Variants in FHDC1 observed in about 807,000 individuals in gnomAD.
FHDC1 encodes FH2 domain-containing protein 1.
FHDC1 carries 25 observed loss-of-function variants against 52.6 expected under a neutral mutation model. The observed-to-expected ratio is 0.48, with a 90% confidence interval of 0.35 to 0.66. The LOEUF (loss-of-function observed/expected upper bound fraction) is 0.66, where lower values mean the gene tolerates loss of function less well. Ranked by LOEUF, FHDC1 falls within the 30% of genes least tolerant of loss-of-function variation. FHDC1 has a pLI of 0.01. For missense variants in FHDC1, 1,459 were observed against 1,452.8 expected (o/e 1.00, Z -0.07); for synonymous variants, 616 against 581.5 (o/e 1.06, Z -0.85).
intron 6 of FHDC1, 61 bp downstream of exon 6, chr4:152,960,905 A>T (rs4696369): frequency 0.47 from 569,494 of 1,218,388 alleles, 138,684 homozygotes; most frequent in East Asian, 0.7. Flanking sequence ...GCAGTTTTTT[A>T]AAAAAGCCAA....
At chr4:152,930,107 C>G in the FHDC1 span, among the ~76,000 whole-genome samples, 1 of 152,322 alleles carries the variant, frequency 6.6e-6, no homozygotes, top group East Asian at 1.9e-4. Context: ...AATCACCCCA[C>G]AGGAAGCAGG....
intron 9 of FHDC1, among the ~76,000 whole-genome samples, chr4:152,965,481 A>G (rs1740429805): frequency 6.6e-6 from 1 of 152,258 alleles, no homozygotes; most frequent in Admixed American, 6.5e-5. Context: ...TATCTGCCAA[A>G]CATAAGGCTC....
At position 152,977,920 on chromosome 4, in the gene FHDC1, G is replaced by T. The variant is rs17362121; in HGVS notation, c.*1197G>T. On this transcript the variant is annotated 3_prime_UTR_variant, in exon 12 of 12. Coordinates refer to ENST00000511601, the MANE Select transcript of FHDC1 (RefSeq NM_001371116.1). ...GATTGTCTGGCTTGCCCACTTCTCC[G>T]TGCATGACTCTGGGTGTGAGTCTGT... is the stretch of plus-strand genomic sequence containing the variant. The T allele has an allele frequency of 1.3e-5, 2 of 152,210 alleles. No homozygotes were observed. The highest frequency in any genetic ancestry group is 4.8e-5 in the African/African-American group (2 of 41,428). The allele number at this position is 152,210 out of a possible 1,614,324, so 9.4% of individuals were successfully genotyped here. A position where few individuals can be genotyped will look rare whatever the true frequency, so the allele number is the denominator to read the frequency against.
At position 152,975,852 on chromosome 4, in the gene FHDC1, C is replaced by T. The variant is rs140130427; in HGVS notation, c.2561C>T (p.Thr854Ile). The T allele has an allele frequency of 1.1e-4, 165 of 1,514,946 alleles. No homozygotes were observed. In the African/African-American group the frequency reaches 2.0e-3, roughly 18 times the overall value. 93.8% of individuals were successfully genotyped at this position (1,514,946 alleles called of 1,614,324 possible). Reference protein sequence around the residue: ...CKGGLPRDKPTKRKDVVAPKR... With the variant: ...CKGGLPRDKPIKRKDVVAPKR... ...GGCGGCCTGCCCAGGGACAAACCCACCAAAAGGAAAGATGTTGTAGCACCA... is the reference window on the plus strand; with the variant it reads ...GGCGGCCTGCCCAGGGACAAACCCATCAAAAGGAAAGATGTTGTAGCACCA... The change falls in exon 12 of 12, where the codon ACC becomes ATC. Residue 854 changes from threonine (T) to isoleucine (I), a missense_variant. Coordinates refer to ENST00000511601, the MANE Select transcript of FHDC1 (RefSeq NM_001371116.1).
In FHDC1 at chr4:152,977,340, C is replaced by A. The variant is rs1740929417; in HGVS notation, c.*617C>A. ...CCAGGACCCCACCACTGCACTCCAG[C>A]CTGGATGACAGAGTGAGACCTTGTC... On this transcript the variant is annotated 3_prime_UTR_variant, in exon 12 of 12. Coordinates refer to ENST00000511601, the MANE Select transcript of FHDC1 (RefSeq NM_001371116.1). The A allele has an allele frequency of 6.6e-6, 1 of 152,170 alleles. No individual in the cohort carries two copies. The highest frequency in any genetic ancestry group is 1.5e-5 in the Non-Finnish European group (1 of 68,040). 9.4% of individuals were successfully genotyped at this position (152,170 alleles called of 1,614,324 possible).
chr4:152,943,267 T>TC lies in FHDC1; in HGVS notation c.213dup (p.Ile72HisfsTer22). 1.7e-6 allele frequency: 2 copies of TC among 1,176,450 alleles called. No individual in the cohort carries two copies. The highest frequency in any genetic ancestry group is 2.2e-6 in the Non-Finnish European group (2 of 909,514). The allele number at this position is 1,176,450 out of a possible 1,614,324, so 72.9% of individuals were successfully genotyped here. A position where few individuals can be genotyped will look rare whatever the true frequency, so the allele number is the denominator to read the frequency against. The stretch of plus-strand genomic sequence containing the variant: ...CACCACCTCCACTTCCTGGGGAGCC[T>TC]CCCATCCCACCTCCCCCACCAGGCC... On this transcript the variant is annotated frameshift_variant, in exon 2 of 12. Coordinates refer to ENST00000511601, the MANE Select transcript of FHDC1 (RefSeq NM_001371116.1). LOFTEE classifies it high-confidence loss of function.
chr4:152,944,327 T>A (rs915920426), intron 2 of FHDC1, among the ~76,000 whole-genome samples: 1 of 143,938 alleles, frequency 6.9e-6, no homozygotes, highest in African/African-American at 2.5e-5. Context: ...AAGAAACCTC[T>A]ACCTGCTAGA....
chr4:152,920,530 A>G, the FHDC1 span, among the ~76,000 whole-genome samples: 6 of 152,212 alleles, frequency 3.9e-5, no homozygotes, highest in African/African-American at 9.6e-5. Context: ...TCTGATTTGT[A>G]AAACAATTTA....
intron 9 of FHDC1, among the ~76,000 whole-genome samples, chr4:152,967,049 G>T (rs1249736080): frequency 6.6e-6 from 1 of 152,158 alleles, no homozygotes; most frequent in African/African-American, 2.4e-5. Context: ...GAGCCCAGGA[G>T]GTCAGTGCTG....
chr4:152,953,338 G>T (rs1739983610), intron 2 of FHDC1, among the ~76,000 whole-genome samples, 161 bp from the exon 3 acceptor site: 1 of 152,134 alleles, frequency 6.6e-6, no homozygotes, highest in African/African-American at 2.4e-5. Flanking sequence ...TTTAATATTT[G>T]TAAAACTATG....
intron 11 of FHDC1, among the ~76,000 whole-genome samples, chr4:152,972,833 G>T (rs543418617): frequency 3.3e-5 from 5 of 152,212 alleles, no homozygotes; most frequent in African/African-American, 9.6e-5. Flanking sequence ...TGTTAGTAAA[G>T]TTCCTCCATG....
intron 2 of FHDC1, among the ~76,000 whole-genome samples, chr4:152,947,468 C>G (rs1173992809): frequency 6.6e-6 from 1 of 152,158 alleles, no homozygotes; most frequent in Non-Finnish European, 1.5e-5. Context: ...TAGTTCCTGA[C>G]CCTCTATTAC....
chr4:152,928,312 A>C, the FHDC1 span: 3 of 535,688 alleles, frequency 5.6e-6, no homozygotes, highest in Non-Finnish European at 1.0e-5. Context: ...CTTTGCCTGC[A>C]TCCTGTGCAC....
At chr4:152,925,408 A>G in the FHDC1 span, among the ~76,000 whole-genome samples, 1 of 152,184 alleles carries the variant, frequency 6.6e-6, no homozygotes, top group African/African-American at 2.4e-5. Context: ...GGCAGTTGTC[A>G]GCTAGATAGC....
intron 1 of FHDC1, 73 bp downstream of exon 1, chr4:152,936,482 C>T (rs547442303): frequency 2.0e-5 from 3 of 152,278 alleles, no homozygotes; most frequent in African/African-American, 4.8e-5. Context: ...CCCCGCCGCT[C>T]GGGAGGGTCA....
chr4:152,942,106 A>C (rs1272971353), intron 1 of FHDC1, among the ~76,000 whole-genome samples: 1 of 152,216 alleles, frequency 6.6e-6, no homozygotes, highest in African/African-American at 2.4e-5. Flanking sequence ...TGACATGGGC[A>C]GCGTGTCCTT....
intron 8 of FHDC1, among the ~76,000 whole-genome samples, chr4:152,963,769 G>GTTTTTT (rs58783965): frequency 0.022 from 1,133 of 51,824 alleles, 195 homozygotes; most frequent in Non-Finnish European, 0.028. Context: ...CCATTGCTTT[G>GTTTTTT]TTTTTTTTTT....
At chr4:152,966,794 A>G (rs527304545) in intron 9 of FHDC1, among the ~76,000 whole-genome samples, 48 of 152,288 alleles carry the variant, frequency 3.2e-4, no homozygotes, top group African/African-American at 1.1e-3. Flanking sequence ...GATGTATATA[A>G]CAAAAGCATT....
upstream of FHDC1, among the ~76,000 whole-genome samples, chr4:152,935,094 C>G (rs887682364): frequency 6.6e-6 from 1 of 152,160 alleles, no homozygotes; most frequent in Non-Finnish European, 1.5e-5. Context: ...GGATCCATTT[C>G]TCTTCATGCA....
Sources: allele counts gnomAD v4.1 joint callset (sites outside exome capture counted in the v4.1 genomes callset), GRCh38; gene constraint gnomAD v4.1.1; transcripts MANE v1.5; gene names NCBI Gene and HGNC (gene_info 2026-07-23, HGNC 2026-07-21).